OC90: variants seen among roughly 807,000 people sequenced by gnomAD.
OC90 encodes otoconin-90.
Under a neutral mutation model 47.3 loss-of-function variants are expected in OC90, and 46 were observed. The observed-to-expected ratio is 0.97, with a 90% CI of 0.77 to 1.24. The LOEUF (loss-of-function observed/expected upper bound fraction) is 1.24. Among genes scored for constraint, OC90 ranks in the 50% most tolerant of loss-of-function variants. OC90 has a pLI of 0.00. For synonymous variants in OC90, 271 were observed against 219.5 expected, an observed-to-expected ratio of 1.23 and a Z score of -2.07; for missense variants, 688 against 583.9, an observed-to-expected ratio of 1.18 and a Z score of -1.84.
intron 13 of OC90, among the ~76,000 whole-genome samples, chr8:132,028,644 A>AAGGT (rs1822809506): frequency 1.8e-5 from 2 of 111,542 alleles, no homozygotes; most frequent in South Asian, 6.3e-4. Context: ...GAAAGAAAGG[A>AAGGT]AGGAAGGAAG....
intron 8 of OC90, among the ~76,000 whole-genome samples, chr8:132,037,780 TC>T (rs552394484): frequency 4.1e-4 from 63 of 152,180 alleles, no homozygotes; most frequent in Middle Eastern, 3.4e-3. Context: ...CCCAAAGATA[TC>T]CCAGCTTGAG....
chr8:132,040,229 A>T (rs1175306293), intron 6 of OC90, among the ~76,000 whole-genome samples: 4 of 152,150 alleles, frequency 2.6e-5, no homozygotes, highest in Non-Finnish European at 4.4e-5. Flanking sequence ...CAGGGTTCAA[A>T]CCCTGGCTTT....
At chr8:132,046,181 G>A (rs1302295283) in intron 2 of OC90, among the ~76,000 whole-genome samples, 2 of 152,106 alleles carry the variant, frequency 1.3e-5, no homozygotes, top group African/African-American at 4.8e-5. Flanking sequence ...GAAGCATCCT[G>A]TTTTATTTAG....
chr8:132,032,942 G>T, intron 11 of OC90, 97 bp downstream of exon 11: 2 of 1,351,960 alleles, frequency 1.5e-6, no homozygotes, highest in Non-Finnish European at 2.0e-6. Context: ...ACACCCCCAT[G>T]AGAAGGTCAC....
chr8:132,034,733 G>A, intron 10 of OC90, 48 bp downstream of exon 10: 3 of 1,328,932 alleles, frequency 2.3e-6, no homozygotes, highest in Middle Eastern at 1.8e-4. Context: ...AAGGACAAAG[G>A]ACATAAATGT....
intron 2 of OC90, among the ~76,000 whole-genome samples, chr8:132,053,608 C>G (rs1483080736): frequency 6.6e-6 from 1 of 152,192 alleles, no homozygotes; most frequent in Non-Finnish European, 1.5e-5. Context: ...CAGGATTGCA[C>G]AAAACCCACC....
At position 132,041,627 on chromosome 8, in the gene OC90, T is replaced by C. The variant is rs1390263239; in HGVS notation, c.242A>G (p.Asn81Ser). The C allele has an allele frequency of 6.8e-6, 11 of 1,611,948 alleles. No individual in the cohort carries two copies. Among genetic ancestry groups the C allele is most frequent in the African/African-American group, 1.3e-5 (1 of 74,290 alleles). ...GAGACCAGCCACACACTTCATACCA[T>C]TGACAAACTGGATCAGCACAGGGAA... The part of the protein sequence containing the change: ...TNFPVLIQFV[N>S]GMKCVAGLCP... Residue 81 changes from asparagine (N) to serine (S), a missense_variant, in exon 5 of 14, where the codon AAT (asparagine) becomes AGT (serine). By Grantham distance (46) the Asn-to-Ser change is conservative (BLOSUM62 1). Coordinates refer to ENST00000254627, the MANE Select transcript of OC90 (RefSeq NM_001080399.3).
At chr8:132,045,623 T>G (rs1823120788) in intron 3 of OC90, among the ~76,000 whole-genome samples, 195 bp downstream of exon 3, 1 of 152,186 alleles carries the variant, frequency 6.6e-6, no homozygotes, top group Admixed American at 6.5e-5. Flanking sequence ...TTTGTCTCAG[T>G]TGTGAGAAAA....
intron 5 of OC90, 131 bp downstream of exon 5, chr8:132,041,394 T>C: frequency 1.4e-6 from 1 of 737,354 alleles, no homozygotes. Flanking sequence ...AACTAGTAGG[T>C]AGTGGAATTA....
chr8:132,054,884 G>A, intron 2 of OC90, 97 bp downstream of exon 2: 1 of 698,158 alleles, frequency 1.4e-6, no homozygotes, highest in South Asian at 2.4e-5. Context: ...AAAGACACGT[G>A]GGAAAGATGG....
intron 2 of OC90, among the ~76,000 whole-genome samples, chr8:132,053,351 C>A (rs571393631): frequency 6.6e-6 from 1 of 152,090 alleles, no homozygotes; most frequent in Non-Finnish European, 1.5e-5. Flanking sequence ...TATATACTTA[C>A]ATTATACATA....
At chr8:132,046,807 A>G (rs1244791252) in intron 2 of OC90, among the ~76,000 whole-genome samples, 1 of 152,216 alleles carries the variant, frequency 6.6e-6, no homozygotes, top group South Asian at 2.1e-4. Flanking sequence ...AGCCCCATCA[A>G]TCTGAAAGTC....
intron 2 of OC90, 63 bp downstream of exon 2, chr8:132,054,918 C>G: frequency 2.5e-6 from 3 of 1,192,308 alleles, no homozygotes; most frequent in Non-Finnish European, 3.5e-6. Flanking sequence ...GTTGAAGGGA[C>G]AGTATTCAAA....
At chr8:132,036,567 G>C in intron 9 of OC90, 1 of 642,872 alleles carries the variant, frequency 1.6e-6, no homozygotes. Context: ...TGTTCACCAA[G>C]GTCTCAATTC....
At chr8:132,047,664 AG>A (rs901564590) in intron 2 of OC90, among the ~76,000 whole-genome samples, 2 of 152,206 alleles carry the variant, frequency 1.3e-5, no homozygotes, top group African/African-American at 4.8e-5. Flanking sequence ...GCTTCTAAAA[AG>A]GTAAGTATTT....
At chr8:132,050,430 T>C (rs1402196708) in intron 2 of OC90, among the ~76,000 whole-genome samples, 1 of 152,164 alleles carries the variant, frequency 6.6e-6, no homozygotes, top group Non-Finnish European at 1.5e-5. Flanking sequence ...TCCTGGGACA[T>C]GGGACATGTC....
At chr8:132,028,526 AAAAGAAAG>A (rs372685836) in intron 13 of OC90, among the ~76,000 whole-genome samples, 26 of 87,558 alleles carry the variant, frequency 3.0e-4, no homozygotes, top group Non-Finnish European at 4.7e-4. Context: ...AGAAAGAAAG[AAAAGAAAG>A]AAAGAAAGAA....
chr8:132,024,777 C>T lies in OC90; in HGVS notation c.1139-1G>A. On this transcript the variant is annotated splice_acceptor_variant, in intron 13 of 13. Transcript: ENST00000254627. LOFTEE classifies it high-confidence loss of function. ...TTCTCACACAGGCTTTGGCCCCCAC[C>T]TTAGAAGGAAAGAGCAGAGTAGAAG... The T allele has an allele frequency of 6.2e-7, 1 of 1,610,090 alleles. No homozygotes were observed. Among genetic ancestry groups the T allele is most frequent in the South Asian group, 1.1e-5 (1 of 90,362 alleles).
intron 6 of OC90, 126 bp from the exon 7 acceptor site, chr8:132,039,249 C>T (rs1823017518): frequency 7.0e-6 from 7 of 995,202 alleles, no homozygotes; most frequent in Admixed American, 4.1e-5. Flanking sequence ...CAATCTCCAT[C>T]TCATTCATGT....
Sources: gnomAD v4.1 joint callset for allele counts (sites outside exome capture counted in the v4.1 genomes callset) on GRCh38, gnomAD v4.1.1 for gene constraint, MANE v1.5 for transcripts, NCBI Gene and HGNC (gene_info 2026-07-23, HGNC 2026-07-21) for gene names.